ARRDC4: variants seen among roughly 807,000 people sequenced by gnomAD.
ARRDC4 encodes arrestin domain containing 4.
Under a neutral mutation model 44.6 loss-of-function variants are expected in ARRDC4, and 40 were observed. That is an observed-to-expected ratio of 0.90 (90% CI 0.70 to 1.17). ARRDC4 has a LOEUF of 1.17. Ranked by LOEUF, ARRDC4 falls within the 50% of genes most tolerant of loss-of-function variation. The pLI, the probability that ARRDC4 is intolerant of heterozygous loss-of-function variation, is 0.00. For synonymous variants in ARRDC4, 211 were observed against 221.2 expected, an observed-to-expected ratio of 0.95 and a Z score of 0.41; for missense variants, 550 against 559.1, an observed-to-expected ratio of 0.98 and a Z score of 0.16.
In ARRDC4 at chr15:97,969,270, A is replaced by G. The variant is rs879681541; in HGVS notation, c.773A>G (p.His258Arg). The change falls in exon 5 of 8, where the codon CAC becomes CGC. Residue 258 changes from histidine (H) to arginine (R), a missense_variant. Physicochemically the swap from His to Arg is conservative, Grantham distance 29. Transcript: ENST00000268042. ...ATGGTCGCCAATGTGCGAGGAAACC[A>G]CATCGCTTCTGGGAGCACAGACACA... ...RHMVANVRGN[H>R]IASGSTDTWN... is the part of the protein sequence containing the mutation. The G allele has an allele frequency of 6.2e-7, 1 of 1,613,980 alleles. No individual in the cohort carries two copies. Among genetic ancestry groups the G allele is most frequent in the South Asian group, 1.1e-5 (1 of 91,082 alleles).
rs747117138 is a variant in ARRDC4 at position 97,966,004 on chromosome 15, G to A, written c.484G>A (p.Val162Ile). 2 of 1,614,130 alleles carry A rather than the reference G, an allele frequency of 1.2e-6. No homozygotes were observed. The highest frequency in any genetic ancestry group is 1.7e-6 in the Non-Finnish European group (2 of 1,180,020). The stretch of plus-strand genomic sequence containing the variant: ...TCAGAGTGTAAAGCGGGAACTCCAG[G>A]TTGTTAGTCATGTCGATGTCAACAC... ...PDQSVKRELQ[V>I]VSHVDVNTPA... The change falls in exon 3 of 8, where the codon GTT (valine) becomes ATT (isoleucine). Residue 162 changes from valine (V) to isoleucine (I), a missense_variant. Val to Ile is a conservative substitution (Grantham distance 29, BLOSUM62 3). Coordinates refer to ENST00000268042, the MANE Select transcript of ARRDC4 (RefSeq NM_183376.3). This position sits in a 1 kb window ranked among gnomAD's most constrained non-coding sequence, Gnocchi z 4.7.
In ARRDC4 at chr15:97,966,661, A is replaced by G. The variant is rs1000359411; in HGVS notation, c.522+619A>G. Among the ~76,000 whole-genome samples the G allele has an allele frequency of 1.3e-5, 2 of 152,242 alleles. No individual in the cohort carries two copies. Among genetic ancestry groups the G allele is most frequent in the Admixed American group, 6.5e-5 (1 of 15,284 alleles). ...GTAGACTGATAAGAAAGATCAGGCT[A>G]TAAGTAACAACAGAATAGGCAAGAT... On this transcript the variant is annotated intron_variant, in intron 3 of 7. Coordinates refer to ENST00000268042, the MANE Select transcript of ARRDC4 (RefSeq NM_183376.3). This position sits in a 1 kb window ranked among gnomAD's most constrained non-coding sequence, Gnocchi z 4.7.
At chr15:97,961,288 GTGGGGTCC>G (rs1227395462) in intron 1 of ARRDC4, 120 bp downstream of exon 1, 3 of 954,080 alleles carry the variant, frequency 3.1e-6, no homozygotes, top group Non-Finnish European at 4.1e-6. Context: ...GCTTCCGGGG[GTGGGGTCC>G]GGCCTACCCT....
chr15:97,971,079 A>G (rs370301104), intron 7 of ARRDC4, 52 bp from the exon 8 acceptor site: 105 of 1,569,926 alleles, frequency 6.7e-5, no homozygotes, highest in Non-Finnish European at 8.4e-5. Flanking sequence ...AGGTACTAGA[A>G]TCGTTTTAAA....
Position 97,970,337 on chromosome 15 carries a change from CTT to C in ARRDC4, c.1046-249_1046-248del, listed in dbSNP as rs1899487538. On this transcript the variant is annotated intron_variant, in intron 6 of 7. Transcript: ENST00000268042. The surrounding 1 kb of genome is among the most constrained non-coding windows in gnomAD (Gnocchi z 4.2). Reference sequence around the variant, plus strand: ...CAGTCAAATGTATGGTGTGTTATGTCTTTTCTATAGTCATATTTCAGTGATAT... The same window carrying C: ...CAGTCAAATGTATGGTGTGTTATGTCTTCTATAGTCATATTTCAGTGATAT... Among the ~76,000 whole-genome samples, 1 of 152,076 alleles carries C rather than the reference CTT, an allele frequency of 6.6e-6. No homozygotes were observed. The highest frequency in any genetic ancestry group is 2.4e-5 in the African/African-American group (1 of 41,420).
In ARRDC4 at chr15:97,971,249, C is replaced by G; in HGVS notation, c.*62C>G. ...AGAATGTTGGTTCTTTTCCTTCTGC[C>G]TTTTTGGGAAAGAGACAGGAAAGAT... On this transcript the variant is annotated 3_prime_UTR_variant, in exon 8 of 8. Transcript: ENST00000268042. 2 of 1,497,846 alleles carry G rather than the reference C, an allele frequency of 1.3e-6. No individual in the cohort carries two copies. Among genetic ancestry groups the G allele is most frequent in the Non-Finnish European group, 1.9e-6 (2 of 1,076,378 alleles). 92.8% of individuals were successfully genotyped at this position (1,497,846 alleles called of 1,614,324 possible). A position where few individuals can be genotyped will look rare whatever the true frequency, so the allele number is the denominator to read the frequency against.
rs1485716439 is a variant in ARRDC4 at position 97,969,274 on chromosome 15, C to T, written c.777C>T (p.Ile259=). The change falls in exon 5 of 8, where the codon ATC becomes ATT. Residue 259 remains isoleucine, a synonymous_variant. Coordinates refer to ENST00000268042, the MANE Select transcript of ARRDC4 (RefSeq NM_183376.3). ...HMVANVRGNH[I]ASGSTDTWNG... is the part of the protein sequence containing the mutation. Reference sequence around the variant, plus strand: ...TCGCCAATGTGCGAGGAAACCACATCGCTTCTGGGAGCACAGACACATGGA... The same window carrying T: ...TCGCCAATGTGCGAGGAAACCACATTGCTTCTGGGAGCACAGACACATGGA... 6.2e-6 allele frequency: 10 copies of T among 1,613,914 alleles called. No individual in the cohort carries two copies. Among genetic ancestry groups the T allele is most frequent in the East Asian group, 4.5e-5 (2 of 44,876 alleles).
chr15:97,967,722 T>A lies in ARRDC4; in HGVS notation c.523-292T>A, dbSNP rs28501080. Among the ~76,000 whole-genome samples the A allele has an allele frequency of 0.064, 9,773 of 151,850 alleles. 354 individuals carry two copies. The highest frequency in any genetic ancestry group is 0.17 in the East Asian group (876 of 5,158). ...CCTAATACAGCTTTTGATTTTTTTT[T>A]AAAAAAATGGTATATTATTTCCTGG... On this transcript the variant is annotated intron_variant, in intron 3 of 7. Transcript: ENST00000268042. The surrounding 1 kb of genome is among the most constrained non-coding windows in gnomAD (Gnocchi z 5.0).
intron 1 of ARRDC4, among the ~76,000 whole-genome samples, chr15:97,963,862 C>G (rs1477640398): frequency 6.6e-6 from 1 of 152,210 alleles, no homozygotes; most frequent in Non-Finnish European, 1.5e-5. Flanking sequence ...TAGCCCAGCT[C>G]TTTTAGGAGC....
Position 97,969,935 on chromosome 15 carries a change from T to C in ARRDC4, c.935T>C (p.Val312Ala). Residue 312 changes from valine (V) to alanine (A), a missense_variant, in exon 6 of 8, where the codon GTG (valine) becomes GCG (alanine). Physicochemically the swap from Val to Ala is moderately conservative, Grantham distance 64 (BLOSUM62 0). Transcript: ENST00000268042. ...AKKLMLELPL[V>A]IGTIPYNGFG... The stretch of plus-strand genomic sequence containing the variant: ...AAATTGATGCTCGAACTGCCATTAG[T>C]GATCGGTACAATTCCATATAATGGT... The C allele has an allele frequency of 6.2e-7, 1 of 1,610,658 alleles. No individual in the cohort carries two copies. Among genetic ancestry groups the C allele is most frequent in the Non-Finnish European group, 8.5e-7 (1 of 1,178,200 alleles).
intron 1 of ARRDC4, among the ~76,000 whole-genome samples, chr15:97,963,780 G>A (rs1362853938): frequency 6.6e-6 from 1 of 152,182 alleles, no homozygotes; most frequent in Non-Finnish European, 1.5e-5. Flanking sequence ...AAACTCAAAT[G>A]AAATACACAT....
At position 97,967,643 on chromosome 15, in the gene ARRDC4, C is replaced by G. The variant is rs2141535013; in HGVS notation, c.523-371C>G. On this transcript the variant is annotated intron_variant, in intron 3 of 7. Coordinates refer to ENST00000268042, the MANE Select transcript of ARRDC4 (RefSeq NM_183376.3). This position sits in a 1 kb window ranked among gnomAD's most constrained non-coding sequence, Gnocchi z 5.0. ...TTTTATTTTTATATCATTTATCCTT[C>G]CACCTGACTTTTATATATAAAGTCT... Among the ~76,000 whole-genome samples, 1 of 152,178 alleles carries G rather than the reference C, an allele frequency of 6.6e-6. No individual in the cohort carries two copies. Among genetic ancestry groups the G allele is most frequent in the African/African-American group, 2.4e-5 (1 of 41,522 alleles).
At position 97,970,128 on chromosome 15, in the gene ARRDC4, A is replaced by T. The variant is rs979982376; in HGVS notation, c.1045+83A>T. The T allele has an allele frequency of 1.2e-5, 16 of 1,384,808 alleles. No homozygotes were observed. Among genetic ancestry groups the T allele is most frequent in the Non-Finnish European group, 1.5e-5 (15 of 1,022,712 alleles). The allele number at this position is 1,384,808 out of a possible 1,614,324, so 85.8% of individuals were successfully genotyped here. A position where few individuals can be genotyped will look rare whatever the true frequency, so the allele number is the denominator to read the frequency against. ...AGAATATATACACTATTAAGTGCTC[A>T]GATGTTGATGAGTACTGCTACTATA... On this transcript the variant is annotated intron_variant, in intron 6 of 7. Transcript: ENST00000268042. This position sits in a 1 kb window ranked among gnomAD's most constrained non-coding sequence, Gnocchi z 4.2.
intron 1 of ARRDC4, among the ~76,000 whole-genome samples, chr15:97,964,804 G>C (rs762841513): frequency 6.6e-6 from 1 of 152,014 alleles, no homozygotes; most frequent in Non-Finnish European, 1.5e-5. Context: ...GCTGTTTTGT[G>C]TTATACCCAG....
rs539606045 is a variant in ARRDC4, at chr15:97,961,212, G to T, written c.307+44G>T. The T allele has an allele frequency of 1.1e-4, 147 of 1,357,268 alleles. No homozygotes were observed. The Middle Eastern group carries it at 1.7e-3, about 15-fold the overall frequency. The allele number at this position is 1,357,268 out of a possible 1,614,324, so 84.1% of individuals were successfully genotyped here. ...CTGGGGTTCCCCCGCCAGGCTGCGG[G>T]GCCGGGGAGGGGCTGGGAGGCCGCG... On this transcript the variant is annotated intron_variant, in intron 1 of 7. Transcript: ENST00000268042.
intron 1 of ARRDC4, among the ~76,000 whole-genome samples, chr15:97,961,728 TAGTA>T (rs1309050504): frequency 2.0e-5 from 3 of 152,172 alleles, no homozygotes; most frequent in Non-Finnish European, 4.4e-5. Context: ...CAGGGCAACT[TAGTA>T]AGAGTTGTAC....
At chr15:97,969,526 T>C in intron 5 of ARRDC4, 147 bp downstream of exon 5, 2 of 951,810 alleles carry the variant, frequency 2.1e-6, no homozygotes, top group Non-Finnish European at 3.1e-6. Context: ...TTGGCCCTTG[T>C]TTTTAATAAA....
chr15:97,961,748 C>CTGTA (rs1465604515), intron 1 of ARRDC4, among the ~76,000 whole-genome samples: 2 of 152,164 alleles, frequency 1.3e-5, no homozygotes, highest in African/African-American at 4.8e-5. Context: ...TGTACCTCTA[C>CTGTA]CTGATACTGC....
rs1054008010 is a variant in ARRDC4 at position 97,970,684 on chromosome 15, T to C, written c.1141T>C (p.Cys381Arg). The C allele has an allele frequency of 3.7e-6, 6 of 1,613,556 alleles. No homozygotes were observed. The Admixed American group carries it at 5.0e-5, about 13-fold the overall frequency. Reference protein sequence around the residue: ...QPPNCEGEVCCPVFACIQEFR... With the variant: ...QPPNCEGEVCRPVFACIQEFR... ...CCCTAACTGTGAGGGAGAAGTGTGC[T>C]GTCCTGTGTTTGCCTGTATACAAGA... The change falls in exon 7 of 8, where the codon TGT becomes CGT. Residue 381 changes from cysteine (C) to arginine (R), a missense_variant. Coordinates refer to ENST00000268042, the MANE Select transcript of ARRDC4 (RefSeq NM_183376.3). This position sits in a 1 kb window ranked among gnomAD's most constrained non-coding sequence, Gnocchi z 4.2.
Sources: gnomAD v4.1 joint callset for allele counts (sites outside exome capture counted in the v4.1 genomes callset) on GRCh38, gnomAD v4.1.1 for gene constraint, Gnocchi (gnomAD v3.1) non-coding constraint, MANE v1.5 for transcripts, NCBI Gene and HGNC (gene_info 2026-07-23, HGNC 2026-07-21) for gene names.